The following ZW10 variants were observed in gnomAD, a reference collection of about 807,000 sequenced individuals.
ZW10 encodes the protein zw10 kinetochore protein.
Under a neutral mutation model 87.8 loss-of-function variants are expected in ZW10, and 53 were observed. The observed-to-expected ratio is 0.60, with a 90% CI of 0.48 to 0.76. ZW10 has a LOEUF of 0.76. ZW10 is among the 30% of genes least tolerant of loss of function. The probability of loss-of-function intolerance (pLI) is 0.00; values close to 1 mark genes in which losing one functional copy is unlikely to be tolerated. For synonymous variants in ZW10, 312 were observed against 329.2 expected, an observed-to-expected ratio of 0.95 and a Z score of 0.57; for missense variants, 837 against 923.0, an observed-to-expected ratio of 0.91 and a Z score of 1.21.
intron 2 of ZW10, among the ~76,000 whole-genome samples, chr11:113,762,493 TAC>T (rs1445420240): frequency 2.6e-5 from 4 of 152,192 alleles, no homozygotes; most frequent in African/African-American, 9.7e-5. Flanking sequence ...AACATTAGCT[TAC>T]TGTAACATTT....
chr11:113,747,379 C>T, intron 9 of ZW10, 152 bp downstream of exon 9: 2 of 646,214 alleles, frequency 3.1e-6, no homozygotes, highest in Non-Finnish European at 2.6e-6. Flanking sequence ...ATTAGGACCA[C>T]TTTAAAGGAG....
At chr11:113,763,748 T>G (rs1327477823) in intron 2 of ZW10, among the ~76,000 whole-genome samples, 1 of 152,218 alleles carries the variant, frequency 6.6e-6, no homozygotes, top group Non-Finnish European at 1.5e-5. Flanking sequence ...CCTTGTAAAT[T>G]CTGGATATTA....
intron 13 of ZW10, 98 bp downstream of exon 13, chr11:113,738,166 A>G (rs2279995): frequency 0.093 from 125,244 of 1,353,058 alleles, 6,183 homozygotes; most frequent in Middle Eastern, 0.14. Context: ...AATCAACTGA[A>G]TACTTGTTAC....
At chr11:113,753,739 AG>A (rs1321438531) in intron 7 of ZW10, among the ~76,000 whole-genome samples, 31 of 152,148 alleles carry the variant, frequency 2.0e-4, no homozygotes, top group African/African-American at 7.2e-4. Flanking sequence ...TCTGTGTAGA[AG>A]CTCAAACCCA....
At chr11:113,770,036 T>C (rs1953947105) in intron 1 of ZW10, 1 of 168,414 alleles carries the variant, frequency 5.9e-6, no homozygotes, top group Non-Finnish European at 1.4e-5. Flanking sequence ...GTTTGCTTTT[T>C]GGCATAAACC....
In ZW10 at chr11:113,760,816, C is replaced by A. The variant is rs1953851216; in HGVS notation, c.342+1G>T. Reference sequence around the variant, plus strand: ...CTAAGGTTCAAGTTGAGTTTACTGACCTCCTGCAACTGTTTAAGCAAACTT... The same window carrying A: ...CTAAGGTTCAAGTTGAGTTTACTGAACTCCTGCAACTGTTTAAGCAAACTT... On this transcript the variant is annotated splice_donor_variant, in intron 3 of 15. Coordinates refer to ENST00000200135, the MANE Select transcript of ZW10 (RefSeq NM_004724.4). LOFTEE classifies it high-confidence loss of function. 6.2e-7 allele frequency: 1 copy of A among 1,613,428 alleles called. No homozygotes were observed. Among genetic ancestry groups the A allele is most frequent in the Non-Finnish European group, 8.5e-7 (1 of 1,179,558 alleles).
In ZW10 at chr11:113,757,958, G is replaced by C. The variant is rs1953810968; in HGVS notation, c.734-105C>G. ...CCCAGCACTTTGGGAGGCCGAGGCA[G>C]GTGGATCATCTGAGGCCAGCCTGGC... is the stretch of plus-strand genomic sequence containing the variant. On this transcript the variant is annotated intron_variant, in intron 6 of 15. Transcript: ENST00000200135. 3.2e-6 allele frequency: 3 copies of C among 926,156 alleles called. No individual in the cohort carries two copies. The South Asian group carries it at 7.5e-5, about 23-fold the overall frequency. 57.4% of individuals were successfully genotyped at this position (926,156 alleles called of 1,614,324 possible).
At chr11:113,746,438 G>A (rs779181154) in intron 9 of ZW10, among the ~76,000 whole-genome samples, 1 of 141,664 alleles carries the variant, frequency 7.1e-6, no homozygotes, top group Non-Finnish European at 1.5e-5. Context: ...CATAGTAGTA[G>A]TATGTATGTA....
chr11:113,754,810 T>C (rs1565284939), intron 7 of ZW10, among the ~76,000 whole-genome samples: 1 of 151,970 alleles, frequency 6.6e-6, no homozygotes, highest in African/African-American at 2.4e-5. Context: ...CCAGGCCAGG[T>C]ATCACTATGT....
At chr11:113,765,529 G>A (rs1953900635) in intron 2 of ZW10, among the ~76,000 whole-genome samples, 1 of 152,118 alleles carries the variant, frequency 6.6e-6, no homozygotes, top group Non-Finnish European at 1.5e-5. Context: ...GATACCAAAA[G>A]AGACCAGATT....
At chr11:113,745,465 TA>T (rs1953668689) in intron 9 of ZW10, among the ~76,000 whole-genome samples, 1 of 152,194 alleles carries the variant, frequency 6.6e-6, no homozygotes, top group South Asian at 2.1e-4. Flanking sequence ...GTCTAATCTG[TA>T]AAATGGTATA....
rs985479839 is a variant in ZW10, at chr11:113,771,640, T to C, written c.105+1922A>G. On this transcript the variant is annotated intron_variant, in intron 1 of 15. Coordinates refer to ENST00000200135, the MANE Select transcript of ZW10 (RefSeq NM_004724.4). ...CAGCTGTGCCACAAATTCTCCTTTA[T>C]CTTTTAAAAATGTGATGGCTTTAAA... 5.9e-5 allele frequency: 9 copies of C among 152,318 alleles called. No individual in the cohort carries two copies. The East Asian group carries it at 1.7e-3, about 29-fold the overall frequency. 9.4% of individuals were successfully genotyped at this position (152,318 alleles called of 1,614,324 possible). A position where few individuals can be genotyped will look rare whatever the true frequency, so the allele number is the denominator to read the frequency against.
intron 1 of ZW10, 112 bp downstream of exon 1, chr11:113,773,450 A>C: frequency 3.6e-6 from 3 of 829,582 alleles, no homozygotes; most frequent in Non-Finnish European, 3.8e-6. Context: ...AACAGGCCCC[A>C]CTCTGCTGGT....
At chr11:113,756,447 T>C (rs974755228) in intron 7 of ZW10, among the ~76,000 whole-genome samples, 3 of 152,158 alleles carry the variant, frequency 2.0e-5, no homozygotes, top group Admixed American at 2.0e-4. Flanking sequence ...CTCCACACCA[T>C]AGAAATAGCA....
chr11:113,768,863 A>T lies in ZW10; in HGVS notation c.210T>A (p.Ile70=). The T allele has an allele frequency of 6.2e-7, 1 of 1,614,164 alleles. No homozygotes were observed. The highest frequency in any genetic ancestry group is 8.5e-7 in the Non-Finnish European group (1 of 1,180,026). The change falls in exon 2 of 16, where the codon ATT becomes ATA. Residue 70 remains isoleucine (I), a synonymous_variant. Coordinates refer to ENST00000200135, the MANE Select transcript of ZW10 (RefSeq NM_004724.4). The part of the protein sequence containing the change: ...ITQVDKLSED[I]DLLKSRIESE... ...TCTCTATCCTGGATTTCAGCAGGTC[A>T]ATGTCTTCAGATAGCTTATCCACCT...
intron 2 of ZW10, among the ~76,000 whole-genome samples, chr11:113,763,371 G>C (rs1953881795): frequency 6.6e-6 from 1 of 151,954 alleles, no homozygotes. Flanking sequence ...TATTCCCTTG[G>C]GTATATACCC....
rs1235034581 is a variant in ZW10 at position 113,773,610 on chromosome 11, A to T, written c.57T>A (p.Asp19Glu). Residue 19 changes from aspartate (D) to glutamate (E), a missense_variant, in exon 1 of 16, where the codon GAT (aspartate) becomes GAA (glutamate). Coordinates refer to ENST00000200135, the MANE Select transcript of ZW10 (RefSeq NM_004724.4). Reference protein sequence around the residue: ...LAHSGRLEKEDLGTRISRLTR... With the variant: ...LAHSGRLEKEELGTRISRLTR... ...TCAGGCGGCTGATCCGGGTCCCCAG[A>T]TCCTCCTTTTCCAGCCTCCCGGAGT... 6.2e-7 allele frequency: 1 copy of T among 1,613,904 alleles called. No homozygotes were observed. The highest frequency in any genetic ancestry group is 8.5e-7 in the Non-Finnish European group (1 of 1,179,954).
At chr11:113,749,903 A>G (rs1427408215) in intron 7 of ZW10, among the ~76,000 whole-genome samples, 1 of 152,184 alleles carries the variant, frequency 6.6e-6, no homozygotes, top group Non-Finnish European at 1.5e-5. Context: ...GACTGATCCC[A>G]ACATGATTTT....
At chr11:113,760,796 G>A (rs1953850878) in intron 3 of ZW10, 21 bp downstream of exon 3, 1 of 1,605,398 alleles carries the variant, frequency 6.2e-7, no homozygotes. Flanking sequence ...AAACACTAAG[G>A]TTCAAGTTGA....
Sources: allele counts gnomAD v4.1 joint callset (sites outside exome capture counted in the v4.1 genomes callset), GRCh38; gene constraint gnomAD v4.1.1; transcripts MANE v1.5; gene names NCBI Gene and HGNC (gene_info 2026-07-23, HGNC 2026-07-21).